The following CNTN5 variants were observed in gnomAD, a reference collection of about 807,000 sequenced individuals.
CNTN5 encodes the protein contactin-5.
Under a neutral mutation model 129.1 loss-of-function variants are expected in CNTN5, and 77 were observed. The observed-to-expected ratio is 0.60, with a 90% CI of 0.50 to 0.72. The LOEUF is 0.72. Ranked by LOEUF, CNTN5 falls within the 30% of genes least tolerant of loss-of-function variation. CNTN5 has a pLI of 0.00. For missense variants in CNTN5, 1,478 were observed against 1,328.8 expected (o/e 1.11, Z -1.75); for synonymous variants, 509 against 465.6 (o/e 1.09, Z -1.20).
intron 3 of CNTN5, among the ~76,000 whole-genome samples, chr11:99,602,461 G>A (rs1286361710): frequency 2.0e-5 from 3 of 152,028 alleles, no homozygotes; most frequent in Non-Finnish European, 2.9e-5. Context: ...CCAATAAAAG[G>A]AGCAAAAGGT....
intron 6 of CNTN5, among the ~76,000 whole-genome samples, chr11:99,889,310 GTGTGT>G (rs1565642574): frequency 8.9e-6 from 1 of 112,368 alleles, no homozygotes; most frequent in African/African-American, 2.8e-5. Context: ...GTGTGTGTGT[GTGTGT>G]GTGTGTGTGT....
intron 3 of CNTN5, among the ~76,000 whole-genome samples, chr11:99,779,467 T>C (rs1187704264): frequency 6.6e-6 from 1 of 151,968 alleles, no homozygotes; most frequent in Non-Finnish European, 1.5e-5. Context: ...TTACTTAGAA[T>C]ATGTGATACA....
At chr11:100,076,980 C>T (rs1458415193) in intron 13 of CNTN5, among the ~76,000 whole-genome samples, 2 of 151,908 alleles carry the variant, frequency 1.3e-5, no homozygotes, top group African/African-American at 2.4e-5. Context: ...GGCAGAATTC[C>T]ATAATATAAG....
chr11:99,269,491 A>T (rs1863071477), intron 1 of CNTN5, among the ~76,000 whole-genome samples: 1 of 151,802 alleles, frequency 6.6e-6, no homozygotes, highest in African/African-American at 2.4e-5. Context: ...ACCAGTTTTT[A>T]TTCTAAACAG....
chr11:99,894,525 A>C (rs1030670859), intron 6 of CNTN5, among the ~76,000 whole-genome samples: 49 of 148,434 alleles, frequency 3.3e-4, no homozygotes, highest in African/African-American at 1.2e-3. Flanking sequence ...CAAAAAAAAA[A>C]AAAACCAAAA....
At chr11:99,863,958 C>T (rs955120530) in intron 6 of CNTN5, among the ~76,000 whole-genome samples, 1 of 151,924 alleles carries the variant, frequency 6.6e-6, no homozygotes, top group African/African-American at 2.4e-5. Context: ...TTTTCTTATC[C>T]GTAATTGAGG....
At chr11:100,117,269 T>A (rs184338264) in intron 13 of CNTN5, among the ~76,000 whole-genome samples, 17 of 152,020 alleles carry the variant, frequency 1.1e-4, no homozygotes, top group Non-Finnish European at 1.8e-4. Flanking sequence ...TCTTACTCCA[T>A]CTTGAGCACT....
chr11:99,085,792 G>C (rs1193206449), intron 1 of CNTN5, among the ~76,000 whole-genome samples: 1 of 152,100 alleles, frequency 6.6e-6, no homozygotes, highest in Non-Finnish European at 1.5e-5. Flanking sequence ...CATACATATA[G>C]GAAGGTGGTC....
intron 1 of CNTN5, among the ~76,000 whole-genome samples, chr11:99,305,257 C>A (rs1864823071): frequency 6.6e-6 from 1 of 152,180 alleles, no homozygotes; most frequent in Non-Finnish European, 1.5e-5. Flanking sequence ...ATGAATAAAT[C>A]ACTCAGTAAA....
chr11:99,097,964 C>T (rs1476485016), intron 1 of CNTN5, among the ~76,000 whole-genome samples: 1 of 151,906 alleles, frequency 6.6e-6, no homozygotes, highest in Non-Finnish European at 1.5e-5. Flanking sequence ...GGGAATTATA[C>T]TCCTTATATA....
At chr11:100,087,264 T>G (rs1313793247) in intron 13 of CNTN5, among the ~76,000 whole-genome samples, 1 of 151,624 alleles carries the variant, frequency 6.6e-6, no homozygotes, top group Non-Finnish European at 1.5e-5. Flanking sequence ...GAATAAAAAA[T>G]GATATTTCAA....
intron 2 of CNTN5, among the ~76,000 whole-genome samples, chr11:99,365,097 C>G (rs1450096514): frequency 1.3e-5 from 2 of 152,086 alleles, no homozygotes; most frequent in Non-Finnish European, 2.9e-5. Context: ...TAAGAGCATG[C>G]CTGAGTTTGG....
At chr11:99,263,650 C>T (rs944663348) in intron 1 of CNTN5, among the ~76,000 whole-genome samples, 4 of 151,900 alleles carry the variant, frequency 2.6e-5, no homozygotes, top group African/African-American at 9.7e-5. Flanking sequence ...AGGTTCTTGC[C>T]CTGTCACCCA....
intron 9 of CNTN5, among the ~76,000 whole-genome samples, chr11:100,010,547 T>A (rs1295081730): frequency 1.3e-5 from 2 of 152,062 alleles, no homozygotes; most frequent in Non-Finnish European, 1.5e-5. Flanking sequence ...CCACAGGAAA[T>A]AAACAACGAT....
intron 13 of CNTN5, among the ~76,000 whole-genome samples, chr11:100,085,348 C>CTAGCTTT (rs1944508108): frequency 6.6e-6 from 1 of 151,996 alleles, no homozygotes; most frequent in Admixed American, 6.6e-5. Context: ...AAGTAATCAG[C>CTAGCTTT]ACAACAAAAC....
At chr11:99,579,012 G>A (rs578237748) in intron 3 of CNTN5, among the ~76,000 whole-genome samples, 2 of 151,876 alleles carry the variant, frequency 1.3e-5, no homozygotes, top group African/African-American at 4.8e-5. Flanking sequence ...TTTGTATAAG[G>A]TGTAAGGAAG....
intron 16 of CNTN5, among the ~76,000 whole-genome samples, chr11:100,246,141 C>T (rs1412687677): frequency 4.6e-5 from 7 of 151,942 alleles, no homozygotes; most frequent in South Asian, 2.1e-4. Flanking sequence ...AAAAAGGGAG[C>T]AGTTTGAGAT....
At chr11:99,107,938 T>TAAA (rs55786739) in intron 1 of CNTN5, among the ~76,000 whole-genome samples, 19 of 103,492 alleles carry the variant, frequency 1.8e-4, no homozygotes, top group African/African-American at 6.4e-4. Context: ...CTCAAAAAAG[T>TAAA]AAAAAAAAAA....
At chr11:99,651,816 TTTTG>T (rs1350678232) in intron 3 of CNTN5, among the ~76,000 whole-genome samples, 1 of 152,040 alleles carries the variant, frequency 6.6e-6, no homozygotes, top group Non-Finnish European at 1.5e-5. Flanking sequence ...CAAGATATCC[TTTTG>T]TTTTTTACTT....
Sources: allele counts gnomAD v4.1 joint callset (sites outside exome capture counted in the v4.1 genomes callset), GRCh38; gene constraint gnomAD v4.1.1; transcripts MANE v1.5; gene names NCBI Gene and HGNC (gene_info 2026-07-23, HGNC 2026-07-21).